LAMB1: variants seen among roughly 807,000 people sequenced by gnomAD.
LAMB1 encodes laminin subunit beta-1.
A neutral mutation model predicts 222.3 loss-of-function variants in LAMB1; 121 were observed. The observed-to-expected ratio is 0.54, with a 90% CI of 0.47 to 0.63. The LOEUF (loss-of-function observed/expected upper bound fraction) is 0.63. Ranked by LOEUF, LAMB1 falls within the 30% of genes least tolerant of loss-of-function variation. The probability of loss-of-function intolerance (pLI) is 0.00; values close to 1 mark genes in which losing one functional copy is unlikely to be tolerated. For synonymous variants in LAMB1, 794 were observed against 807.2 expected, an observed-to-expected ratio of 0.98 and a Z score of 0.28; for missense variants, 2,172 against 2,240.8, an observed-to-expected ratio of 0.97 and a Z score of 0.62.
rs2034145329 is a variant in LAMB1 at position 107,989,739 on chromosome 7, G to C, written c.424-3376C>G. 2.0e-5 allele frequency among the ~76,000 whole-genome samples: 3 copies of C among 152,156 alleles called. No homozygotes were observed. The South Asian group carries it at 6.2e-4, about 32-fold the overall frequency. On this transcript the variant is annotated intron_variant, in intron 5 of 33. Transcript: ENST00000222399. ...TGGGAGGCTTGGGGAGAGGAAGAGA[G>C]GGGAAGGTCTAATCGGACTTCTCTG... is the stretch of plus-strand genomic sequence containing the variant.
intron 21 of LAMB1, among the ~76,000 whole-genome samples, chr7:107,954,803 A>C (rs936778122): frequency 2.0e-5 from 3 of 152,120 alleles, no homozygotes; most frequent in South Asian, 4.1e-4. Context: ...AAACAAAACA[A>C]AACAAAGAAT....
intron 5 of LAMB1, among the ~76,000 whole-genome samples, chr7:107,987,360 C>T (rs1277096411): frequency 6.6e-6 from 1 of 152,046 alleles, no homozygotes; most frequent in Non-Finnish European, 1.5e-5. Flanking sequence ...AATAGACAGT[C>T]TTAGTGGTTG....
rs1562999350 is a variant in LAMB1, at chr7:107,975,787, T to G, written c.1091A>C (p.Asp364Ala). Residue 364 changes from aspartate to alanine, a missense_variant, in exon 10 of 34, where the codon GAC (aspartate) becomes GCC (alanine). By Grantham distance (126) the Asp-to-Ala change is moderately radical (BLOSUM62 -2). Coordinates refer to ENST00000222399, the MANE Select transcript of LAMB1 (RefSeq NM_002291.3). ...GCGCCCCATGGTGTTGTGCTGACAG[T>G]CATCACACACGCCTCCGCTGACGTT... ...TGNVSGGVCDDCQHNTMGRNC... is the reference protein window; with the variant it reads ...TGNVSGGVCDACQHNTMGRNC... The G allele has an allele frequency of 6.2e-7, 1 of 1,613,986 alleles. No homozygotes were observed. Among genetic ancestry groups the G allele is most frequent in the Non-Finnish European group, 8.5e-7 (1 of 1,179,984 alleles).
rs1307088615 is a variant in LAMB1 at position 107,961,223 on chromosome 7, A to G, written c.2092T>C (p.Tyr698His). ...TSSDSDVESP[Y>H]TLIDSLVLMP... ...GCACTTACAGAATCGATCAGCGTGT[A>G]GGGGCTCTCCACGTCGCTATCAGAG... The change falls in exon 17 of 34, where the codon TAC becomes CAC. Residue 698 changes from tyrosine (Y) to histidine (H), a missense_variant. Tyr to His is a moderately conservative substitution (Grantham distance 83). Transcript: ENST00000222399. 6.2e-7 allele frequency: 1 copy of G among 1,614,018 alleles called. No homozygotes were observed. The highest frequency in any genetic ancestry group is 8.5e-7 in the Non-Finnish European group (1 of 1,180,032).
chr7:107,941,830 T>C (rs1443388157), intron 24 of LAMB1, among the ~76,000 whole-genome samples: 1 of 25,618 alleles, frequency 3.9e-5, no homozygotes, highest in African/African-American at 1.2e-4. Flanking sequence ...GGCTTTTTTT[T>C]TTTTTTTTTT....
Position 107,929,398 on chromosome 7 carries a change from A to G in LAMB1, c.4745+14T>C. The G allele has an allele frequency of 6.2e-7, 1 of 1,609,010 alleles. No homozygotes were observed. The highest frequency in any genetic ancestry group is 8.5e-7 in the Non-Finnish European group (1 of 1,175,548). The stretch of plus-strand genomic sequence containing the variant: ...ACACAAAATAAGCCCCTTAGATGCC[A>G]TGTCTTTAGATACCTTGCTCTTTTA... On this transcript the variant is annotated intron_variant, in intron 30 of 33. Coordinates refer to ENST00000222399, the MANE Select transcript of LAMB1 (RefSeq NM_002291.3).
chr7:107,995,647 C>T (rs1231137319), intron 4 of LAMB1, among the ~76,000 whole-genome samples: 1 of 152,100 alleles, frequency 6.6e-6, no homozygotes, highest in Non-Finnish European at 1.5e-5. Flanking sequence ...GCACCCTTGC[C>T]CTGAGGGTCA....
intron 8 of LAMB1, among the ~76,000 whole-genome samples, chr7:107,979,929 C>T (rs1391087273): frequency 6.6e-6 from 1 of 152,014 alleles, no homozygotes; most frequent in Non-Finnish European, 1.5e-5. Context: ...CAAAATTAGC[C>T]AGATACGGTG....
intron 5 of LAMB1, among the ~76,000 whole-genome samples, chr7:107,992,756 G>A (rs528085092): frequency 5.0e-4 from 76 of 152,162 alleles, no homozygotes; most frequent in Non-Finnish European, 9.6e-4. Context: ...TTAGCCAGGT[G>A]TGGTGGCATG....
chr7:107,960,750 T>A, intron 17 of LAMB1, 101 bp from the exon 18 acceptor site: 1 of 906,578 alleles, frequency 1.1e-6, no homozygotes, highest in Non-Finnish European at 1.8e-6. Flanking sequence ...TCTTTGACCC[T>A]TGAACAGAAA....
At chr7:107,956,377 C>T (rs1182453090) in intron 20 of LAMB1, among the ~76,000 whole-genome samples, 1 of 152,112 alleles carries the variant, frequency 6.6e-6, no homozygotes, top group Non-Finnish European at 1.5e-5. Flanking sequence ...TGACTGGGCT[C>T]CTCCCACCGA....
At chr7:107,991,657 T>C (rs2034184585) in intron 5 of LAMB1, among the ~76,000 whole-genome samples, 1 of 151,618 alleles carries the variant, frequency 6.6e-6, no homozygotes, top group African/African-American at 2.4e-5. Context: ...ACGTCTGTAA[T>C]CCCAGCACTT....
At chr7:107,934,727 C>T (rs1385421753) in intron 27 of LAMB1, among the ~76,000 whole-genome samples, 1 of 151,976 alleles carries the variant, frequency 6.6e-6, no homozygotes. Flanking sequence ...CTCTGAATTC[C>T]TACACTGAGA....
At chr7:107,996,384 GATC>G (rs1437267536) in intron 4 of LAMB1, among the ~76,000 whole-genome samples, 2 of 152,184 alleles carry the variant, frequency 1.3e-5, no homozygotes, top group East Asian at 1.9e-4. Flanking sequence ...CCTAGGAAGA[GATC>G]ATCACGATGG....
At chr7:107,937,734 G>A (rs1216067115) in intron 25 of LAMB1, among the ~76,000 whole-genome samples, 3 of 152,174 alleles carry the variant, frequency 2.0e-5, no homozygotes, top group Non-Finnish European at 2.9e-5. Context: ...AACATGCAGA[G>A]GGGAAGCCCT....
chr7:107,932,241 T>G lies in LAMB1; in HGVS notation c.4325A>C (p.Gln1442Pro). 1 of 1,614,248 alleles carries G rather than the reference T, an allele frequency of 6.2e-7. No homozygotes were observed. The highest frequency in any genetic ancestry group is 8.5e-7 in the Non-Finnish European group (1 of 1,180,042). The part of the protein sequence containing the change: ...GLVTVAHNAW[Q>P]KAMDLDQDVL... ...ATCTTGGTCCAAGTCCATGGCTTTC[T>G]GCCAGGCGTTGTGTGCAACAGTAAC... is the stretch of plus-strand genomic sequence containing the variant. Residue 1442 changes from glutamine (Q) to proline (P), a missense_variant, in exon 28 of 34, where the codon CAG becomes CCG. Physicochemically the swap from Gln to Pro is moderately conservative, Grantham distance 76. Coordinates refer to ENST00000222399, the MANE Select transcript of LAMB1 (RefSeq NM_002291.3).
At chr7:107,986,827 T>C (rs753159176) in intron 5 of LAMB1, among the ~76,000 whole-genome samples, 1 of 152,216 alleles carries the variant, frequency 6.6e-6, no homozygotes, top group Non-Finnish European at 1.5e-5. Flanking sequence ...TGGGTGTCAA[T>C]AATTTGCAAT....
chr7:107,955,149 G>C (rs2033347874), intron 21 of LAMB1, among the ~76,000 whole-genome samples: 1 of 152,168 alleles, frequency 6.6e-6, no homozygotes, highest in Non-Finnish European at 1.5e-5. Flanking sequence ...TTTGCTAGGA[G>C]TTGGATAAAG....
intron 15 of LAMB1, 96 bp from the exon 16 acceptor site, chr7:107,961,772 G>C: frequency 7.3e-7 from 1 of 1,364,036 alleles, no homozygotes; most frequent in Non-Finnish European, 1.0e-6. Flanking sequence ...AGTTGAAATG[G>C]AAAACAAACA....
Sources: gnomAD v4.1 joint callset for allele counts (sites outside exome capture counted in the v4.1 genomes callset) on GRCh38, gnomAD v4.1.1 for gene constraint, MANE v1.5 for transcripts, NCBI Gene and HGNC (gene_info 2026-07-23, HGNC 2026-07-21) for gene names.